ATP13A1: variants seen among roughly 807,000 people sequenced by gnomAD.
ATP13A1 encodes the protein ATPase 13A1.
A neutral mutation model predicts 134.8 loss-of-function variants in ATP13A1; 55 were observed. The ratio of observed to expected loss-of-function variants is 0.41; its 90% CI spans 0.33 to 0.51. ATP13A1 has a LOEUF of 0.51. Among genes scored for constraint, ATP13A1 ranks in the 20% least tolerant of loss-of-function variants. The pLI, the probability that ATP13A1 is intolerant of heterozygous loss-of-function variation, is 0.29. For missense variants in ATP13A1, 1,389 were observed against 1,652.8 expected, an observed-to-expected ratio of 0.84 and a Z score of 2.77; for synonymous variants, 775 against 725.1, an observed-to-expected ratio of 1.07 and a Z score of -1.10.
At position 19,656,288 on chromosome 19, in the gene ATP13A1, TC is replaced by T; in HGVS notation, c.1084-106del. ...TTGAGGCTGGAATGAGCCAGGGGGATCCCCACCCGACCAATACATCCCACCC... is the reference window on the plus strand; with the variant it reads ...TTGAGGCTGGAATGAGCCAGGGGGATCCCACCCGACCAATACATCCCACCC... On this transcript the variant is annotated intron_variant, in intron 7 of 25. Coordinates refer to ENST00000357324, the MANE Select transcript of ATP13A1 (RefSeq NM_020410.3). This position sits in a 1 kb window ranked among gnomAD's most constrained non-coding sequence, Gnocchi z 4.6. 2 of 1,467,822 alleles carry T rather than the reference TC, an allele frequency of 1.4e-6. No homozygotes were observed. Among genetic ancestry groups the T allele is most frequent in the Non-Finnish European group, 9.1e-7 (1 of 1,095,898 alleles). The allele number at this position is 1,467,822 out of a possible 1,614,324, so 90.9% of individuals were successfully genotyped here. A position where few individuals can be genotyped will look rare whatever the true frequency, so the allele number is the denominator to read the frequency against.
Position 19,646,308 on chromosome 19 carries a change from T to C in ATP13A1, c.3145A>G (p.Ile1049Val), listed in dbSNP as rs781248553. 1 of 1,613,714 alleles carries C rather than the reference T, an allele frequency of 6.2e-7. No homozygotes were observed. The highest frequency in any genetic ancestry group is 8.5e-7 in the Non-Finnish European group (1 of 1,179,792). The change falls in exon 23 of 26, where the codon ATC becomes GTC. Residue 1049 changes from isoleucine to valine, a missense_variant. Transcript: ENST00000357324. ...TLSRERPLPN[I>V]FNLYTILTVM... ...GTGAGGATGGTGTACAGGTTGAAGA[T>C]GTTGGGCAGGGGCCGTTCTCGGGAG...
At chr19:19,657,536 G>A (rs1049266656) in intron 3 of ATP13A1, 128 bp from the exon 4 acceptor site, 8 of 928,110 alleles carry the variant, frequency 8.6e-6, no homozygotes, top group East Asian at 5.6e-5. Flanking sequence ...TGTGGGCGTC[G>A]GGAGCCCTGG....
intron 1 of ATP13A1, 60 bp downstream of exon 1, chr19:19,663,211 G>C (rs1422904649): frequency 3.2e-6 from 5 of 1,551,718 alleles, no homozygotes; most frequent in African/African-American, 2.7e-5. Context: ...GAAGGCCGCA[G>C]CTGGGACCCA....
Position 19,663,570 on chromosome 19 carries a change from G to A in ATP13A1, c.97C>T (p.Arg33Cys). Residue 33 changes from arginine (R) to cysteine (C), a missense_variant, in exon 1 of 26, where the codon CGC (arginine) becomes TGC (cysteine). By Grantham distance (180) the Arg-to-Cys change is radical (BLOSUM62 -3). This residue lies in a region of ATP13A1 where 293 missense variants were observed against 270.8 expected (regional missense o/e 1.08). Transcript: ENST00000357324. The part of the protein sequence containing the change: ...DGQPKPGPQP[R>C]ALLAAGPALI... ...GCCGGCCCGGCGGCAAGGAGCGCGC[G>A]CGGCTGCGGCCCGGGCTTGGGCTGC... The A allele has an allele frequency of 6.7e-7, 1 of 1,502,456 alleles. No individual in the cohort carries two copies. Among genetic ancestry groups the A allele is most frequent in the Non-Finnish European group, 8.8e-7 (1 of 1,134,530 alleles). The allele number at this position is 1,502,456 out of a possible 1,614,324, so 93.1% of individuals were successfully genotyped here.
In ATP13A1 at chr19:19,647,711, C is replaced by T. The variant is rs776167538; in HGVS notation, c.2681G>A (p.Arg894Gln). The T allele has an allele frequency of 4.4e-5, 70 of 1,607,610 alleles. No individual in the cohort carries two copies. Among genetic ancestry groups the T allele is most frequent in the Non-Finnish European group, 5.6e-5 (66 of 1,178,324 alleles). Residue 894 changes from arginine to glutamine, a missense_variant, in exon 20 of 26, where the codon CGG (arginine) becomes CAG (glutamine). Coordinates refer to ENST00000357324, the MANE Select transcript of ATP13A1 (RefSeq NM_020410.3). The surrounding 1 kb of genome is among the most constrained non-coding windows in gnomAD (Gnocchi z 4.8). ...NAPERVVERRRRPRDSPTLSN... is the reference protein window; with the variant it reads ...NAPERVVERRQRPRDSPTLSN... The stretch of plus-strand genomic sequence containing the variant: ...CAGGGTTGGGCTGTCCCGGGGCCGC[C>T]GTCGCCGCTCGACAACCCGCTCAGG...
intron 1 of ATP13A1, among the ~76,000 whole-genome samples, chr19:19,661,762 CTGCATGGAGATGGGG>C (rs1473361916): frequency 6.6e-6 from 1 of 152,174 alleles, no homozygotes; most frequent in Non-Finnish European, 1.5e-5. Context: ...TGGAGACGAG[CTGCATGGAGATGGGG>C]GGAGCACAAT....
intron 1 of ATP13A1, among the ~76,000 whole-genome samples, chr19:19,660,771 G>A (rs2062089658): frequency 6.6e-6 from 1 of 150,720 alleles, no homozygotes; most frequent in Non-Finnish European, 1.5e-5. Context: ...CTGGGCGACA[G>A]AGCAGGACTC....
In ATP13A1 at chr19:19,645,736, C is replaced by T. The variant is rs748565290; in HGVS notation, c.3415G>A (p.Ala1139Thr). 3.1e-6 allele frequency: 5 copies of T among 1,601,780 alleles called. No individual in the cohort carries two copies. Among genetic ancestry groups the T allele is most frequent in the Non-Finnish European group, 4.3e-6 (5 of 1,174,568 alleles). The change falls in exon 25 of 26, where the codon GCA (alanine) becomes ACA (threonine). Residue 1139 changes from alanine (A) to threonine (T), a missense_variant. Coordinates refer to ENST00000357324, the MANE Select transcript of ATP13A1 (RefSeq NM_020410.3). This position sits in a 1 kb window ranked among gnomAD's most constrained non-coding sequence, Gnocchi z 4.1. ...PENKPLVWSL[A>T]VSLLAIIGLL... is the part of the protein sequence containing the mutation. ...CCAATGATGGCCAGGAGTGAAACTGCCAGACTCCACACCAGGGGCTTGTTC... is the reference window on the plus strand; with the variant it reads ...CCAATGATGGCCAGGAGTGAAACTGTCAGACTCCACACCAGGGGCTTGTTC...
chr19:19,663,037 T>C (rs537597915), intron 1 of ATP13A1: 3 of 718,898 alleles, frequency 4.2e-6, no homozygotes, highest in African/African-American at 3.5e-5. Flanking sequence ...TGAATCTAAA[T>C]GACCATAACA....
intron 17 of ATP13A1, chr19:19,650,256 CAG>C: frequency 2.1e-6 from 1 of 470,884 alleles, no homozygotes; most frequent in East Asian, 3.8e-5. Flanking sequence ...CTGAAACACA[CAG>C]AAGGGGGCTA....
At position 19,655,577 on chromosome 19, in the gene ATP13A1, G is replaced by C. The variant is rs1269795036; in HGVS notation, c.1347C>G (p.Leu449=). 1 of 1,614,004 alleles carries C rather than the reference G, an allele frequency of 6.2e-7. No individual in the cohort carries two copies. The highest frequency in any genetic ancestry group is 1.7e-5 in the Admixed American group (1 of 60,020). Residue 449 remains leucine (L), a synonymous_variant, in exon 10 of 26, where the codon CTC becomes CTG. Coordinates refer to ENST00000357324, the MANE Select transcript of ATP13A1 (RefSeq NM_020410.3). This position sits in a 1 kb window ranked among gnomAD's most constrained non-coding sequence, Gnocchi z 5.7. ...ANNLETFIFI[L]FLLVFAIAAA... ...CAGCGATGGCAAACACCAGGAGGAA[G>C]AGGATGAAGATGAAGGTCTCCAGGT...
chr19:19,651,831 A>G (rs1216768446), intron 16 of ATP13A1, 34 bp from the exon 17 acceptor site: 1 of 1,524,476 alleles, frequency 6.6e-7, no homozygotes, highest in Non-Finnish European at 9.0e-7. Context: ...TCAGCATGGC[A>G]CCCTGGGGCC....
At chr19:19,654,936 G>C (rs890775242) in intron 12 of ATP13A1, among the ~76,000 whole-genome samples, 183 bp downstream of exon 12, 1 of 152,206 alleles carries the variant, frequency 6.6e-6, no homozygotes, top group African/African-American at 2.4e-5. Context: ...GGCCTGAGCT[G>C]AGCCCCCGTG....
At chr19:19,648,257 T>TG in intron 19 of ATP13A1, among the ~76,000 whole-genome samples, 1 of 152,084 alleles carries the variant, frequency 6.6e-6, no homozygotes, top group East Asian at 1.9e-4. Flanking sequence ...AGGCGGAGGT[T>TG]GCAGTGAGAT....
chr19:19,657,622 C>T (rs1285729044), intron 3 of ATP13A1, among the ~76,000 whole-genome samples: 1 of 152,200 alleles, frequency 6.6e-6, no homozygotes, highest in Non-Finnish European at 1.5e-5. Flanking sequence ...GACATGCTGC[C>T]CGCCCACAGC....
Position 19,645,933 on chromosome 19 carries a change from T to C in ATP13A1, c.3301A>G (p.Ser1101Gly). Residue 1101 changes from serine to glycine, a missense_variant, in exon 24 of 26, where the codon AGC becomes GGC. Physicochemically the swap from Ser to Gly is moderately conservative, Grantham distance 56. This residue lies in a region of ATP13A1 where 228 missense variants were observed against 321.0 expected (regional missense o/e 0.71). Transcript: ENST00000357324. The surrounding 1 kb of genome is among the most constrained non-coding windows in gnomAD (Gnocchi z 4.1). Reference protein sequence around the residue: ...YKEFEPSLVNSTVYIMAMAMQ... With the variant: ...YKEFEPSLVNGTVYIMAMAMQ... ...GCCATGGCCATGATGTAGACGGTGC[T>C]GTTGACCAGGCTTGGCTCAAACTCC... 5 of 1,613,734 alleles carry C rather than the reference T, an allele frequency of 3.1e-6. No individual in the cohort carries two copies. Among genetic ancestry groups the C allele is most frequent in the Non-Finnish European group, 3.4e-6 (4 of 1,179,884 alleles).
chr19:19,656,325 T>C lies in ATP13A1; in HGVS notation c.1084-142A>G. The C allele has an allele frequency of 8.4e-7, 1 of 1,197,106 alleles. No individual in the cohort carries two copies. Among genetic ancestry groups the C allele is most frequent in the South Asian group, 1.5e-5 (1 of 66,490 alleles). The allele number at this position is 1,197,106 out of a possible 1,614,324, so 74.2% of individuals were successfully genotyped here. ...CAATACATCCCACCCAGCTCCCAGA[T>C]CCTCACCCTCACCCCGTCCTGTCTT... is the stretch of plus-strand genomic sequence containing the variant. On this transcript the variant is annotated intron_variant, in intron 7 of 25. Coordinates refer to ENST00000357324, the MANE Select transcript of ATP13A1 (RefSeq NM_020410.3). The surrounding 1 kb of genome is among the most constrained non-coding windows in gnomAD (Gnocchi z 4.6).
chr19:19,651,650 G>T, intron 17 of ATP13A1, 39 bp downstream of exon 17: 1 of 1,539,438 alleles, frequency 6.5e-7, no homozygotes, highest in Non-Finnish European at 8.9e-7. Flanking sequence ...TTGGACTCAG[G>T]GTCCCCCTTC....
At chr19:19,646,565 A>G in intron 22 of ATP13A1, 1 of 601,896 alleles carries the variant, frequency 1.7e-6, no homozygotes, top group Non-Finnish European at 2.9e-6. Context: ...TCCGCCATCC[A>G]GGCTCCCCAT....
Sources: allele counts gnomAD v4.1 joint callset (sites outside exome capture counted in the v4.1 genomes callset), GRCh38; gene constraint gnomAD v4.1.1; regional missense constraint gnomAD v4.1.1; non-coding constraint Gnocchi (gnomAD v3.1); transcripts MANE v1.5; gene names NCBI Gene and HGNC (gene_info 2026-07-23, HGNC 2026-07-21).